Variants in FAM117B observed in about 807,000 individuals in gnomAD.
FAM117B encodes the protein family with sequence similarity 117 member B.
A neutral mutation model predicts 52.8 loss-of-function variants in FAM117B; 22 were observed. That is an observed-to-expected ratio of 0.42 (90% CI 0.30 to 0.59). The LOEUF (loss-of-function observed/expected upper bound fraction) is 0.59. Ranked by LOEUF, FAM117B falls within the 20% of genes least tolerant of loss-of-function variation. The pLI, the probability that FAM117B is intolerant of heterozygous loss-of-function variation, is 0.22. For missense variants in FAM117B, 678 were observed against 802.6 expected, an observed-to-expected ratio of 0.84 and a Z score of 1.88; for synonymous variants, 309 against 324.1, an observed-to-expected ratio of 0.95 and a Z score of 0.50.
chr2:202,709,471 G>A (rs1690927362), intron 2 of FAM117B, among the ~76,000 whole-genome samples: 1 of 152,104 alleles, frequency 6.6e-6, no homozygotes, highest in African/African-American at 2.4e-5. Context: ...CAAAGTACTG[G>A]GATTACAGGC....
intron 2 of FAM117B, among the ~76,000 whole-genome samples, chr2:202,718,227 G>A (rs1011248270): frequency 2.6e-5 from 4 of 152,184 alleles, no homozygotes; most frequent in African/African-American, 4.8e-5. Context: ...GCCATCTAGA[G>A]CCAAGGCCTG....
intron 1 of FAM117B, among the ~76,000 whole-genome samples, chr2:202,640,619 C>A (rs949302922): frequency 3.5e-5 from 5 of 144,302 alleles, no homozygotes; most frequent in African/African-American, 7.6e-5. Flanking sequence ...CAAGGGAATT[C>A]TTTTTTTTTT....
intron 1 of FAM117B, among the ~76,000 whole-genome samples, chr2:202,692,741 A>G (rs1317681319): frequency 6.6e-6 from 1 of 152,190 alleles, no homozygotes; most frequent in Non-Finnish European, 1.5e-5. Flanking sequence ...ACATGGCATA[A>G]CTTTGTCATT....
At chr2:202,715,258 A>G (rs1207803168) in intron 2 of FAM117B, among the ~76,000 whole-genome samples, 3 of 136,648 alleles carry the variant, frequency 2.2e-5, no homozygotes, top group South Asian at 2.4e-4. Flanking sequence ...GCGGGGGCTG[A>G]CCCCCCACCT....
At chr2:202,734,675 G>T (rs554093666) in intron 4 of FAM117B, among the ~76,000 whole-genome samples, 1 of 152,298 alleles carries the variant, frequency 6.6e-6, no homozygotes, top group South Asian at 2.1e-4. Context: ...CCTGTTCGTT[G>T]TGTTGTCCAG....
At chr2:202,715,491 G>A (rs1190441939) in intron 2 of FAM117B, among the ~76,000 whole-genome samples, 4 of 150,978 alleles carry the variant, frequency 2.6e-5, no homozygotes, top group Admixed American at 1.3e-4. Flanking sequence ...ACAGGGTGGC[G>A]GGGCAGAGGC....
chr2:202,754,636 C>A (rs1343939658), intron 4 of FAM117B, among the ~76,000 whole-genome samples: 4 of 151,912 alleles, frequency 2.6e-5, no homozygotes, highest in Non-Finnish European at 5.9e-5. Flanking sequence ...CACCTGTAAT[C>A]CCAGCACTTT....
chr2:202,707,307 C>T (rs1339995763), intron 2 of FAM117B, among the ~76,000 whole-genome samples: 1 of 151,908 alleles, frequency 6.6e-6, no homozygotes, highest in African/African-American at 2.4e-5. Flanking sequence ...CCCTCAGCCT[C>T]CCAAAGTGTT....
At chr2:202,649,511 C>T (rs1689924712) in intron 1 of FAM117B, among the ~76,000 whole-genome samples, 2 of 152,090 alleles carry the variant, frequency 1.3e-5, no homozygotes, top group African/African-American at 4.8e-5. Flanking sequence ...TATTTTCTCT[C>T]TCTTATAAAC....
intron 1 of FAM117B, among the ~76,000 whole-genome samples, chr2:202,685,097 C>T (rs746499423): frequency 3.0e-4 from 45 of 152,080 alleles, no homozygotes; most frequent in Non-Finnish European, 4.9e-4. Context: ...ATTCTCCTGC[C>T]TCAGCCTCCC....
Position 202,766,769 on chromosome 2 carries a change from A to G in FAM117B, c.*1005A>G, listed in dbSNP as rs1691986584. The G allele has an allele frequency of 6.6e-6, 1 of 152,156 alleles. No homozygotes were observed. The highest frequency in any genetic ancestry group is 2.1e-4 in the South Asian group (1 of 4,824). 9.4% of individuals were successfully genotyped at this position (152,156 alleles called of 1,614,324 possible). A position where few individuals can be genotyped will look rare whatever the true frequency, so the allele number is the denominator to read the frequency against. On this transcript the variant is annotated 3_prime_UTR_variant, in exon 8 of 8. Coordinates refer to ENST00000392238, the MANE Select transcript of FAM117B (RefSeq NM_173511.4). ...TTAATCATCACTGTATCATAGCCCCAAAGAGATCCTGAAATGGCTGTGCAT... is the reference window on the plus strand; with the variant it reads ...TTAATCATCACTGTATCATAGCCCCGAAGAGATCCTGAAATGGCTGTGCAT...
chr2:202,723,065 A>G (rs369619842), intron 2 of FAM117B, among the ~76,000 whole-genome samples: 15 of 152,278 alleles, frequency 9.9e-5, no homozygotes, highest in African/African-American at 3.4e-4. Context: ...CCTCAAAGTG[A>G]AACTGGAGTT....
intron 1 of FAM117B, among the ~76,000 whole-genome samples, chr2:202,651,213 C>T (rs933787225): frequency 3.9e-5 from 6 of 151,962 alleles, no homozygotes; most frequent in Non-Finnish European, 8.8e-5. Flanking sequence ...AGGCACCTGT[C>T]ACCACGCCCA....
intron 2 of FAM117B, among the ~76,000 whole-genome samples, chr2:202,699,830 G>C (rs879555045): frequency 8.5e-5 from 13 of 152,160 alleles, no homozygotes; most frequent in African/African-American, 3.1e-4. Context: ...TCTGCCCTGA[G>C]CAAGTCTGTA....
At chr2:202,748,313 A>G (rs896319149) in intron 4 of FAM117B, among the ~76,000 whole-genome samples, 2 of 152,194 alleles carry the variant, frequency 1.3e-5, no homozygotes, top group African/African-American at 4.8e-5. Context: ...GGTAAGACCC[A>G]AAACTACAAA....
intron 4 of FAM117B, among the ~76,000 whole-genome samples, chr2:202,726,701 T>G (rs1691250927): frequency 6.6e-6 from 1 of 152,208 alleles, no homozygotes; most frequent in South Asian, 2.1e-4. Context: ...TAACTTATCT[T>G]TTCTAAGTCT....
At chr2:202,685,489 C>A (rs979949589) in intron 1 of FAM117B, among the ~76,000 whole-genome samples, 1 of 152,132 alleles carries the variant, frequency 6.6e-6, no homozygotes, top group Non-Finnish European at 1.5e-5. Flanking sequence ...TCAACTCTCA[C>A]AATTCCTACT....
intron 1 of FAM117B, among the ~76,000 whole-genome samples, chr2:202,637,122 C>T (rs1473499970): frequency 6.6e-6 from 1 of 151,904 alleles, no homozygotes; most frequent in Non-Finnish European, 1.5e-5. Context: ...GTCTCGAACT[C>T]CTGACCTCAG....
intron 2 of FAM117B, among the ~76,000 whole-genome samples, chr2:202,706,327 G>C (rs564322564): frequency 6.6e-6 from 1 of 152,222 alleles, no homozygotes; most frequent in South Asian, 2.1e-4. Flanking sequence ...GGTTGATTTT[G>C]ATTAATATTT....
Sources: gnomAD v4.1 joint callset for allele counts (sites outside exome capture counted in the v4.1 genomes callset) on GRCh38, gnomAD v4.1.1 for gene constraint, MANE v1.5 for transcripts, NCBI Gene and HGNC (gene_info 2026-07-23, HGNC 2026-07-21) for gene names.